LRRTM4: variants seen among roughly 807,000 people sequenced by gnomAD.
LRRTM4 encodes the protein leucine rich repeat transmembrane neuronal 4.
A neutral mutation model predicts 47.6 loss-of-function variants in LRRTM4; 25 were observed. The ratio of observed to expected loss-of-function variants is 0.53; its 90% CI spans 0.38 to 0.73. The LOEUF is 0.73. Among genes scored for constraint, LRRTM4 ranks in the 30% least tolerant of loss-of-function variants. The probability of loss-of-function intolerance (pLI) is 0.00; values close to 1 mark genes in which losing one functional copy is unlikely to be tolerated. For synonymous variants in LRRTM4, 311 were observed against 269.5 expected (o/e 1.15, Z -1.51); for missense variants, 638 against 713.4 (o/e 0.89, Z 1.20).
chr2:76,788,465 G>A (rs940176502), intron 3 of LRRTM4, among the ~76,000 whole-genome samples: 4 of 152,144 alleles, frequency 2.6e-5, no homozygotes, highest in Non-Finnish European at 4.4e-5. Context: ...ACGTTTACTC[G>A]TACTAGGAAG....
chr2:76,790,250 C>A (rs1674901955), intron 3 of LRRTM4, among the ~76,000 whole-genome samples: 1 of 152,004 alleles, frequency 6.6e-6, no homozygotes, highest in South Asian at 2.1e-4. Context: ...GTCATTGGTT[C>A]TGCTTTGTCA....
At position 77,426,833 on chromosome 2, in the gene LRRTM4, A is replaced by ATG. The variant is rs1167936521; in HGVS notation, c.1551+91484_1551+91485insCA. 4.7e-4 allele frequency among the ~76,000 whole-genome samples: 33 copies of ATG among 69,910 alleles called. No individual in the cohort carries two copies. The South Asian group carries it at 0.014, about 29-fold the overall frequency. The allele number at this position is 69,910 out of a possible 152,430, so 45.9% of individuals were successfully genotyped here. A position where few individuals can be genotyped will look rare whatever the true frequency, so the allele number is the denominator to read the frequency against. ...CACACACACACACACACACACATGC[A>ATG]CACACACACACACAGAGAGAGAGAG... On this transcript the variant is annotated intron_variant, in intron 3 of 3. Transcript: ENST00000409884.
chr2:76,810,803 G>C (rs2103818613), intron 3 of LRRTM4, among the ~76,000 whole-genome samples: 1 of 152,242 alleles, frequency 6.6e-6, no homozygotes. Flanking sequence ...TAAAAGCATG[G>C]AGATTACCTG....
intron 3 of LRRTM4, among the ~76,000 whole-genome samples, chr2:76,941,300 A>T (rs1675134822): frequency 6.6e-6 from 1 of 152,064 alleles, no homozygotes; most frequent in African/African-American, 2.4e-5. Context: ...TGTTTGTGTA[A>T]AACACATTTT....
intron 3 of LRRTM4, among the ~76,000 whole-genome samples, chr2:76,982,148 C>T (rs1483574957): frequency 1.3e-5 from 2 of 152,050 alleles, no homozygotes; most frequent in Non-Finnish European, 2.9e-5. Context: ...GTCATATTTC[C>T]TCTGCTTCTC....
intron 2 of LRRTM4, among the ~76,000 whole-genome samples, chr2:77,520,818 T>C (rs1382675101): frequency 1.3e-5 from 2 of 151,882 alleles, no homozygotes; most frequent in Non-Finnish European, 2.9e-5. Context: ...AGTTACAATC[T>C]ATTGGCACTT....
chr2:77,350,827 C>G (rs1007302330), intron 3 of LRRTM4, among the ~76,000 whole-genome samples: 16 of 152,202 alleles, frequency 1.1e-4, no homozygotes, highest in Admixed American at 8.5e-4. Context: ...CACCAGTACT[C>G]AGAAATATGC....
intron 3 of LRRTM4, among the ~76,000 whole-genome samples, chr2:77,063,178 T>C (rs1201613790): frequency 6.6e-6 from 1 of 152,100 alleles, no homozygotes. Context: ...CAGGCTGGTC[T>C]CGAACGCCTG....
At chr2:76,984,778 G>C (rs1054819112) in intron 3 of LRRTM4, among the ~76,000 whole-genome samples, 2 of 152,094 alleles carry the variant, frequency 1.3e-5, no homozygotes, top group African/African-American at 4.8e-5. Flanking sequence ...ACTTGTTTAA[G>C]CTCATGTTAA....
At chr2:77,297,316 G>T (rs573122644) in intron 3 of LRRTM4, among the ~76,000 whole-genome samples, 1 of 151,964 alleles carries the variant, frequency 6.6e-6, no homozygotes, top group South Asian at 2.1e-4. Flanking sequence ...TATTTATTTA[G>T]GTCTATAAAA....
In LRRTM4 at chr2:77,080,515, G is replaced by C. The variant is rs1680496222; in HGVS notation, c.1552-331599C>G. ...ATAATCTAACAGGCAAATCAAATTT[G>C]ACCTGTCTATAATTGAACTCTTCAC... On this transcript the variant is annotated intron_variant, in intron 3 of 3. Coordinates refer to ENST00000409884, the MANE Select transcript of LRRTM4 (RefSeq NM_001134745.3). Among the ~76,000 whole-genome samples the C allele has an allele frequency of 3.9e-5, 6 of 152,036 alleles. No homozygotes were observed. In the South Asian group the frequency reaches 1.2e-3, roughly 31 times the overall value.
At chr2:77,289,984 G>T (rs1230236341) in intron 3 of LRRTM4, among the ~76,000 whole-genome samples, 2 of 151,584 alleles carry the variant, frequency 1.3e-5, no homozygotes, top group African/African-American at 4.9e-5. Flanking sequence ...TAGTAGGAAG[G>T]ATATTACTTC....
rs748486050 is a variant in LRRTM4, at chr2:77,519,277, G to C, written c.592C>G (p.Arg198Gly). 5.6e-6 allele frequency: 9 copies of C among 1,613,236 alleles called. No homozygotes were observed. Among genetic ancestry groups the C allele is most frequent in the East Asian group, 2.2e-5 (1 of 44,850 alleles). The change falls in exon 3 of 4, where the codon CGA (arginine) becomes GGA (glycine). Residue 198 changes from arginine (R) to glycine (G), a missense_variant. Arg to Gly is a moderately radical substitution (Grantham distance 125). Coordinates refer to ENST00000409884, the MANE Select transcript of LRRTM4 (RefSeq NM_001134745.3). The surrounding 1 kb of genome is among the most constrained non-coding windows in gnomAD (Gnocchi z 4.6). The part of the protein sequence containing the change: ...LGYNRLRSLS[R>G]NAFAGLLKLK... ...TTCAAGAGGCCAGCAAATGCATTTC[G>C]GGACAAGCTTCGAAGACGATTGTAA...
chr2:77,045,033 C>G (rs921291342), intron 3 of LRRTM4, among the ~76,000 whole-genome samples: 1 of 151,696 alleles, frequency 6.6e-6, no homozygotes, highest in Non-Finnish European at 1.5e-5. Flanking sequence ...ATGTGAGGTA[C>G]CTGCCTTTTA....
chr2:77,140,725 C>A (rs1672096806), intron 3 of LRRTM4, among the ~76,000 whole-genome samples: 1 of 152,118 alleles, frequency 6.6e-6, no homozygotes, highest in African/African-American at 2.4e-5. Flanking sequence ...CAAGCTACTT[C>A]TCTGACAAAG....
At chr2:77,106,363 A>G (rs951200617) in intron 3 of LRRTM4, among the ~76,000 whole-genome samples, 1 of 152,240 alleles carries the variant, frequency 6.6e-6, no homozygotes, top group South Asian at 2.1e-4. Context: ...CATTTCACAC[A>G]TAGTCCTTGT....
chr2:76,792,298 AG>A (rs1443098601), intron 3 of LRRTM4, among the ~76,000 whole-genome samples: 3 of 152,168 alleles, frequency 2.0e-5, no homozygotes, highest in Non-Finnish European at 4.4e-5. Context: ...TGAAAGTCAT[AG>A]GCTGCCACTT....
At chr2:77,152,285 G>A (rs563446150) in intron 3 of LRRTM4, among the ~76,000 whole-genome samples, 22 of 152,182 alleles carry the variant, frequency 1.4e-4, no homozygotes, top group African/African-American at 5.3e-4. Context: ...TTTTCAAGGT[G>A]CACTACCCAC....
At chr2:77,299,906 C>G (rs1480891843) in intron 3 of LRRTM4, among the ~76,000 whole-genome samples, 2 of 136,090 alleles carry the variant, frequency 1.5e-5, no homozygotes, top group East Asian at 2.2e-4. Context: ...GGCTGGAGTG[C>G]AGTGGCGCAA....
Sources: gnomAD v4.1 joint callset for allele counts (sites outside exome capture counted in the v4.1 genomes callset) on GRCh38, gnomAD v4.1.1 for gene constraint, Gnocchi (gnomAD v3.1) non-coding constraint, MANE v1.5 for transcripts, NCBI Gene and HGNC (gene_info 2026-07-23, HGNC 2026-07-21) for gene names.